ASPM: variants seen among roughly 807,000 people sequenced by gnomAD.
The protein encoded by ASPM is assembly factor for spindle microtubules, also known as abnormal spindle-like microcephaly-associated protein.
Under a neutral mutation model 366.4 loss-of-function variants are expected in ASPM, and 256 were observed. That is an observed-to-expected ratio of 0.70 (90% CI 0.63 to 0.77). ASPM has a LOEUF of 0.77. Among genes scored for constraint, ASPM ranks in the 30% least tolerant of loss-of-function variants. The probability of loss-of-function intolerance (pLI) is 0.00; values close to 1 mark genes in which losing one functional copy is unlikely to be tolerated. For missense variants in ASPM, 4,146 were observed against 4,090.4 expected (o/e 1.01, Z -0.37); for synonymous variants, 1,414 against 1,342.9 (o/e 1.05, Z -1.16).
At chr1:197,094,527 A>G (rs886674404) in intron 19 of ASPM, among the ~76,000 whole-genome samples, 3 of 151,772 alleles carry the variant, frequency 2.0e-5, no homozygotes, top group African/African-American at 7.2e-5. Context: ...ATGGTAAAAT[A>G]TAAGATTTGA....
chr1:197,088,814 T>C (rs1656680299), intron 25 of ASPM, among the ~76,000 whole-genome samples: 1 of 152,052 alleles, frequency 6.6e-6, no homozygotes, highest in South Asian at 2.1e-4. Flanking sequence ...GGTAAGATAA[T>C]GATAAAGGCA....
Position 197,102,207 on chromosome 1 carries a change from G to A in ASPM, c.7044C>T (p.His2348=). ...AAGCCTGATATCTCATATGTAATCT[G>A]TGCATTCTGAAAGTAGACTGGATGA... The part of the protein sequence containing the change: ...ATFIQSTFRM[H]RLHMRYQALK... The change falls in exon 18 of 28, where the codon CAC becomes CAT. Residue 2348 remains histidine (H), a synonymous_variant. Coordinates refer to ENST00000367409, the MANE Select transcript of ASPM (RefSeq NM_018136.5). The A allele has an allele frequency of 6.2e-7, 1 of 1,612,706 alleles. No homozygotes were observed. Among genetic ancestry groups the A allele is most frequent in the South Asian group, 1.1e-5 (1 of 91,062 alleles).
At chr1:197,105,373 C>A (rs1298290821) in intron 17 of ASPM, among the ~76,000 whole-genome samples, 188 bp from the exon 18 acceptor site, 1 of 151,844 alleles carries the variant, frequency 6.6e-6, no homozygotes, top group African/African-American at 2.4e-5. Flanking sequence ...TACCTGTAGC[C>A]AATTCAGAAA....
At chr1:197,090,703 A>C in intron 23 of ASPM, 147 bp downstream of exon 23, 1 of 737,752 alleles carries the variant, frequency 1.4e-6, no homozygotes, top group Non-Finnish European at 2.2e-6. Flanking sequence ...TTAGCAATGA[A>C]ATTATGGTAG....
At chr1:197,093,684 G>A (rs987808144) in intron 20 of ASPM, among the ~76,000 whole-genome samples, 11 of 151,586 alleles carry the variant, frequency 7.3e-5, no homozygotes, top group East Asian at 3.9e-4. Flanking sequence ...CCTCAATTAC[G>A]TAACAACCTG....
chr1:197,112,299 G>A (rs1321209251), intron 17 of ASPM, among the ~76,000 whole-genome samples: 5 of 152,068 alleles, frequency 3.3e-5, no homozygotes, highest in Admixed American at 1.3e-4. Flanking sequence ...ATAAGTGGGA[G>A]CTAAATGATG....
chr1:197,122,505 T>C lies in ASPM; in HGVS notation c.3481A>G (p.Ile1161Val), dbSNP rs758416921. The change falls in exon 14 of 28, where the codon ATA (isoleucine) becomes GTA (valine). Residue 1161 changes from isoleucine to valine, a missense_variant. Around this residue, in one of 3 missense-constraint regions of ASPM, gnomAD observed 3,624 missense variants for 3,591.7 expected, o/e 1.01. Coordinates refer to ENST00000367409, the MANE Select transcript of ASPM (RefSeq NM_018136.5). ...ACAGTTTGAGTAGTACGCTGACATA[T>C]AGCGTCAAATGGCACATAGCAAGGA... ...YHPCYVPFDAICQRTTQTVEC... is the reference protein window; with the variant it reads ...YHPCYVPFDAVCQRTTQTVEC... The C allele has an allele frequency of 1.5e-5, 24 of 1,613,402 alleles. No homozygotes were observed. Among genetic ancestry groups the C allele is most frequent in the African/African-American group, 4.0e-5 (3 of 74,910 alleles).
At chr1:197,137,554 T>C (rs1420034517) in intron 4 of ASPM, among the ~76,000 whole-genome samples, 1 of 152,156 alleles carries the variant, frequency 6.6e-6, no homozygotes, top group East Asian at 1.9e-4. Flanking sequence ...CAATCTCTGT[T>C]CACTGCACCT....
rs766633878 is a variant in ASPM at position 197,146,642 on chromosome 1, A to C, written c.-205T>G. On this transcript the variant is annotated 5_prime_UTR_variant, in exon 1 of 28. Coordinates refer to ENST00000367409, the MANE Select transcript of ASPM (RefSeq NM_018136.5). ...AATAAACTCGCAAATTAAAAAGAGGAGCCAAACAAGTATGGCGTTTTGACT... is the reference window on the plus strand; with the variant it reads ...AATAAACTCGCAAATTAAAAAGAGGCGCCAAACAAGTATGGCGTTTTGACT... 1.6e-6 allele frequency: 1 copy of C among 624,064 alleles called. No homozygotes were observed. The highest frequency in any genetic ancestry group is 2.9e-5 in the Admixed American group (1 of 34,050). The allele number at this position is 624,064 out of a possible 1,614,324, so 38.7% of individuals were successfully genotyped here. A position where few individuals can be genotyped will look rare whatever the true frequency, so the allele number is the denominator to read the frequency against.
Position 197,122,423 on chromosome 1 carries a change from C to G in ASPM, c.3563G>C (p.Ser1188Thr). ...TGCTTTAAGAGACATATCCAGAGAA[C>G]TGTCATCAGATTCAGATGATGAATT... ...VLNSSSESDD[S>T]SLDMSLKAFD... The change falls in exon 14 of 28, where the codon AGT becomes ACT. Residue 1188 changes from serine to threonine, a missense_variant. By Grantham distance (58) the Ser-to-Thr change is moderately conservative (BLOSUM62 1). Transcript: ENST00000367409. The G allele has an allele frequency of 1.9e-6, 3 of 1,613,820 alleles. No homozygotes were observed. Among genetic ancestry groups the G allele is most frequent in the Non-Finnish European group, 2.5e-6 (3 of 1,179,798 alleles).
chr1:197,138,681 C>G, intron 4 of ASPM: 1 of 606,442 alleles, frequency 1.6e-6, no homozygotes, highest in Non-Finnish European at 3.0e-6. Context: ...TTAAATGCTA[C>G]AAATACAATC....
In ASPM at chr1:197,139,714, A is replaced by C. The variant is rs1553227370; in HGVS notation, c.2026+53T>G. The C allele has an allele frequency of 1.9e-5, 25 of 1,316,810 alleles. No homozygotes were observed. In the East Asian group the frequency reaches 5.8e-4, roughly 30 times the overall value. 81.6% of individuals were successfully genotyped at this position (1,316,810 alleles called of 1,614,324 possible). ...TTCATTTCCATGTGAAATGCAATTA[A>C]TGCTTCATTCGATGTCATGTTTTCA... On this transcript the variant is annotated intron_variant, in intron 4 of 27. Coordinates refer to ENST00000367409, the MANE Select transcript of ASPM (RefSeq NM_018136.5).
Position 197,122,529 on chromosome 1 carries a change from G to T in ASPM, c.3457C>A (p.Pro1153Thr). The T allele has an allele frequency of 1.2e-6, 2 of 1,613,346 alleles. No individual in the cohort carries two copies. The highest frequency in any genetic ancestry group is 1.6e-4 in the Middle Eastern group (1 of 6,062). The change falls in exon 14 of 28, where the codon CCT becomes ACT. Residue 1153 changes from proline (P) to threonine (T), a missense_variant. By Grantham distance (38) the Pro-to-Thr change is conservative. Transcript: ENST00000367409. ...ATAGCGTCAAATGGCACATAGCAAG[G>T]ATGGTAATGGTGGATCAGGTAACAT... ...VLCYLIHHYH[P>T]CYVPFDAICQ... is the part of the protein sequence containing the mutation.
At position 197,143,517 on chromosome 1, in the gene ASPM, A is replaced by G. The variant is rs1658669037; in HGVS notation, c.735T>C (p.Thr245=). ...CTGATGCATGAAGAGATGAGTAGGT[A>G]GTAGATCGACGTACAGAGAGTGGCA... ...TCLPLSVRRS[T]TYSSLHASEN... The change falls in exon 3 of 28, where the codon ACT becomes ACC. Residue 245 remains threonine, a synonymous_variant. Transcript: ENST00000367409. 6.2e-7 allele frequency: 1 copy of G among 1,613,884 alleles called. No homozygotes were observed. Among genetic ancestry groups the G allele is most frequent in the Non-Finnish European group, 8.5e-7 (1 of 1,179,944 alleles).
Position 197,101,499 on chromosome 1 carries a change from T to C in ASPM, c.7752A>G (p.Gln2584=), listed in dbSNP as rs767030089. Reference sequence around the variant, plus strand: ...TCTTTTTATTTGCTCTATATTTTTCTTGTATGATTTTTGTAGCCCACTGAA... The same window carrying C: ...TCTTTTTATTTGCTCTATATTTTTCCTGTATGATTTTTGTAGCCCACTGAA... ...QKLQWATKII[Q]EKYRANKKKQ... The change falls in exon 18 of 28, where the codon CAA becomes CAG. Residue 2584 remains glutamine, a synonymous_variant. Coordinates refer to ENST00000367409, the MANE Select transcript of ASPM (RefSeq NM_018136.5). 16 of 1,609,596 alleles carry C rather than the reference T, an allele frequency of 9.9e-6. No individual in the cohort carries two copies. Among genetic ancestry groups the C allele is most frequent in the Non-Finnish European group, 1.4e-5 (16 of 1,179,098 alleles).
intron 17 of ASPM, among the ~76,000 whole-genome samples, chr1:197,108,041 A>G (rs533525049): frequency 6.6e-6 from 1 of 152,262 alleles, no homozygotes; most frequent in African/African-American, 2.4e-5. Context: ...AAGGTTATCA[A>G]ATAGGAAAGA....
At chr1:197,092,991 CTATT>C in intron 21 of ASPM, 57 bp downstream of exon 21, 3 of 1,390,062 alleles carry the variant, frequency 2.2e-6, no homozygotes, top group South Asian at 1.2e-5. Flanking sequence ...TTTCTTAACA[CTATT>C]TAACATCAAG....
At chr1:197,108,791 T>C (rs1204571020) in intron 17 of ASPM, among the ~76,000 whole-genome samples, 1 of 151,700 alleles carries the variant, frequency 6.6e-6, no homozygotes, top group Non-Finnish European at 1.5e-5. Context: ...GGGAATTTAG[T>C]GAGACCCTAT....
At chr1:197,132,473 T>A in intron 6 of ASPM, 121 bp from the exon 7 acceptor site, 1 of 764,276 alleles carries the variant, frequency 1.3e-6, no homozygotes, top group Non-Finnish European at 2.2e-6. Flanking sequence ...ATAAGTTAAT[T>A]TAAATAAAAT....
Sources: gnomAD v4.1 joint callset for allele counts (sites outside exome capture counted in the v4.1 genomes callset) on GRCh38, gnomAD v4.1.1 for gene constraint, gnomAD v4.1.1 regional missense constraint, MANE v1.5 for transcripts, NCBI Gene and HGNC (gene_info 2026-07-23, HGNC 2026-07-21) for gene names.